The following POM121L12 variants were observed in gnomAD, a reference collection of about 807,000 sequenced individuals.
POM121L12 encodes POM121-like protein 12.
For synonymous variants in POM121L12, 251 were observed against 179.2 expected, an observed-to-expected ratio of 1.40 and a Z score of -3.20; for missense variants, 553 against 409.2, an observed-to-expected ratio of 1.35 and a Z score of -3.03.
Position 53,036,227 on chromosome 7 carries a change from C to T in POM121L12, c.556C>T (p.Pro186Ser). Residue 186 changes from proline to serine, a missense_variant, in exon 1 of 1, where the codon CCC becomes TCC. Physicochemically the swap from Pro to Ser is moderately conservative, Grantham distance 74. Transcript: ENST00000408890. ...TCTGCTGGGGGCGCTCAGCCAGTGCCCCAAGGGAAGCGCTAGGTTCGACGG... is the reference window on the plus strand; with the variant it reads ...TCTGCTGGGGGCGCTCAGCCAGTGCTCCAAGGGAAGCGCTAGGTTCGACGG... ...ETLLGALSQC[P>S]KGSARFDGPL... 1 of 1,613,698 alleles carries T rather than the reference C, an allele frequency of 6.2e-7. No individual in the cohort carries two copies. The highest frequency in any genetic ancestry group is 8.5e-7 in the Non-Finnish European group (1 of 1,179,902).
rs766549462 is a variant in POM121L12, at chr7:53,036,328, C to G, written c.657C>G (p.Pro219=). The G allele has an allele frequency of 4.8e-5, 77 of 1,613,960 alleles. No homozygotes were observed. The highest frequency in any genetic ancestry group is 6.4e-5 in the Non-Finnish European group (76 of 1,180,018). ...NLQPRPSAFK[P]LSKNGAVASF... is the part of the protein sequence containing the mutation. ...AGCCCCGGCCCTCTGCCTTCAAGCC[C>G]CTGAGCAAAAATGGAGCGGTTGCTT... The change falls in exon 1 of 1, where the codon CCC becomes CCG. Residue 219 remains proline (P), a synonymous_variant. Transcript: ENST00000408890.
Position 53,036,454 on chromosome 7 carries a change from A to T in POM121L12, c.783A>T (p.Pro261=). The T allele has an allele frequency of 6.2e-7, 1 of 1,613,730 alleles. No homozygotes were observed. The highest frequency in any genetic ancestry group is 1.1e-5 in the South Asian group (1 of 91,078). ...CTTCCGTGCTGGTCCAGCCCGCCCC[A>T]TCCGCCATCTGGGACTTCTGGGAGG... ...AWPSVLVQPA[P]SAIWDFWEAT... Residue 261 remains proline (P), a synonymous_variant, in exon 1 of 1, where the codon CCA becomes CCT. Transcript: ENST00000408890.
Position 53,036,067 on chromosome 7 carries a change from G to C in POM121L12, c.396G>C (p.Arg132=). The C allele has an allele frequency of 6.2e-7, 1 of 1,612,958 alleles. No homozygotes were observed. Among genetic ancestry groups the C allele is most frequent in the Admixed American group, 1.7e-5 (1 of 60,018 alleles). ...GGLCRAWNPG[R]TWSPVTIGIA... The stretch of plus-strand genomic sequence containing the variant: ...TGTGTCGTGCCTGGAACCCAGGACG[G>C]ACCTGGAGCCCGGTGACCATCGGGA... Residue 132 remains arginine (R), a synonymous_variant, in exon 1 of 1, where the codon CGG becomes CGC. Transcript: ENST00000408890.
chr7:53,035,897 C>A lies in POM121L12; in HGVS notation c.226C>A (p.His76Asn), dbSNP rs2116353808. Residue 76 changes from histidine (H) to asparagine (N), a missense_variant, in exon 1 of 1, where the codon CAC becomes AAC. By Grantham distance (68) the His-to-Asn change is moderately conservative (BLOSUM62 1). Coordinates refer to ENST00000408890, the MANE Select transcript of POM121L12 (RefSeq NM_182595.4). The part of the protein sequence containing the change: ...FQWGRPVPST[H>N]LIEVRPTQDP... ...GTGGGGGCGCCCGGTGCCCAGCACC[C>A]ACCTCATCGAGGTGCGGCCCACCCA... 1.2e-6 allele frequency: 2 copies of A among 1,613,220 alleles called. No homozygotes were observed. The highest frequency in any genetic ancestry group is 1.3e-5 in the African/African-American group (1 of 75,028).
Position 53,036,329 on chromosome 7 carries a change from C to T in POM121L12, c.658C>T (p.Leu220=). The T allele has an allele frequency of 6.2e-7, 1 of 1,614,084 alleles. No homozygotes were observed. Among genetic ancestry groups the T allele is most frequent in the Non-Finnish European group, 8.5e-7 (1 of 1,180,008 alleles). ...GCCCCGGCCCTCTGCCTTCAAGCCC[C>T]TGAGCAAAAATGGAGCGGTTGCTTC... ...LQPRPSAFKP[L]SKNGAVASFV... Residue 220 remains leucine, a synonymous_variant, in exon 1 of 1, where the codon CTG becomes TTG. Coordinates refer to ENST00000408890, the MANE Select transcript of POM121L12 (RefSeq NM_182595.4).
rs141746604 is a variant in POM121L12, at chr7:53,036,073, G to C, written c.402G>C (p.Trp134Cys). The C allele has an allele frequency of 2.5e-6, 4 of 1,612,874 alleles. No individual in the cohort carries two copies. Among genetic ancestry groups the C allele is most frequent in the East Asian group, 2.2e-5 (1 of 44,822 alleles). Residue 134 changes from tryptophan (W) to cysteine (C), a missense_variant, in exon 1 of 1, where the codon TGG becomes TGC. Trp to Cys is a radical substitution (Grantham distance 215). Coordinates refer to ENST00000408890, the MANE Select transcript of POM121L12 (RefSeq NM_182595.4). ...GTGCCTGGAACCCAGGACGGACCTG[G>C]AGCCCGGTGACCATCGGGATCGCGC... is the stretch of plus-strand genomic sequence containing the variant. ...LCRAWNPGRT[W>C]SPVTIGIAPP...
At position 53,036,640 on chromosome 7, in the gene POM121L12, C is replaced by G; in HGVS notation, c.*78C>G. On this transcript the variant is annotated 3_prime_UTR_variant, in exon 1 of 1. Coordinates refer to ENST00000408890, the MANE Select transcript of POM121L12 (RefSeq NM_182595.4). Reference sequence around the variant, plus strand: ...TCACTTGCTCATCCTTGCTCTACCTCAACGTGGGGCCCTGACACCACGTTA... The same window carrying G: ...TCACTTGCTCATCCTTGCTCTACCTGAACGTGGGGCCCTGACACCACGTTA... The G allele has an allele frequency of 1.4e-6, 2 of 1,461,190 alleles. No homozygotes were observed. The highest frequency in any genetic ancestry group is 1.8e-4 in the Middle Eastern group (1 of 5,500). 90.5% of individuals were successfully genotyped at this position (1,461,190 alleles called of 1,614,324 possible). A position where few individuals can be genotyped will look rare whatever the true frequency, so the allele number is the denominator to read the frequency against.
chr7:53,036,089 G>C lies in POM121L12; in HGVS notation c.418G>C (p.Gly140Arg). ...PGRTWSPVTIGIAPPERQESP... is the reference protein window; with the variant it reads ...PGRTWSPVTIRIAPPERQESP... ...ACGGACCTGGAGCCCGGTGACCATC[G>C]GGATCGCGCCCCCTGAGCGTCAGGA... The change falls in exon 1 of 1, where the codon GGG becomes CGG. Residue 140 changes from glycine (G) to arginine (R), a missense_variant. Physicochemically the swap from Gly to Arg is moderately radical, Grantham distance 125. Transcript: ENST00000408890. The C allele has an allele frequency of 6.2e-7, 1 of 1,612,606 alleles. No individual in the cohort carries two copies. Among genetic ancestry groups the C allele is most frequent in the East Asian group, 2.2e-5 (1 of 44,808 alleles).
rs201563022 is a variant in POM121L12, at chr7:53,036,192, C to G, written c.521C>G (p.Thr174Ser). The change falls in exon 1 of 1, where the codon ACC becomes AGC. Residue 174 changes from threonine to serine, a missense_variant. Thr to Ser is a moderately conservative substitution (Grantham distance 58). Coordinates refer to ENST00000408890, the MANE Select transcript of POM121L12 (RefSeq NM_182595.4). Reference sequence around the variant, plus strand: ...GCCCAGGAGCTCCTGGACCCCTGCACCCGGGAGACTCTGCTGGGGGCGCTC... The same window carrying G: ...GCCCAGGAGCTCCTGGACCCCTGCAGCCGGGAGACTCTGCTGGGGGCGCTC... ...PAAQELLDPC[T>S]RETLLGALSQ... is the part of the protein sequence containing the mutation. 1 of 1,611,868 alleles carries G rather than the reference C, an allele frequency of 6.2e-7. No homozygotes were observed. Among genetic ancestry groups the G allele is most frequent in the Non-Finnish European group, 8.5e-7 (1 of 1,179,612 alleles).
Position 53,036,775 on chromosome 7 carries a change from G to T in POM121L12, c.*213G>T, listed in dbSNP as rs745487958. The T allele has an allele frequency of 1.1e-4, 64 of 557,392 alleles. No individual in the cohort carries two copies. The highest frequency in any genetic ancestry group is 2.0e-4 in the Non-Finnish European group (62 of 312,120). 34.5% of individuals were successfully genotyped at this position (557,392 alleles called of 1,614,324 possible). On this transcript the variant is annotated 3_prime_UTR_variant, in exon 1 of 1. Coordinates refer to ENST00000408890, the MANE Select transcript of POM121L12 (RefSeq NM_182595.4). The stretch of plus-strand genomic sequence containing the variant: ...TCAGAACCCTTGCCTTCGCCCTGCT[G>T]GCCCTCTCCTCCCTGCCCTTCTTCC...
chr7:53,035,726 G>A lies in POM121L12; in HGVS notation c.55G>A (p.Gly19Arg). ...AGACCTCGGGAACTTCTGGAAGGCG[G>A]GAGAACCCCTGCTGCAAGGCCCCGA... ...SADLGNFWKA[G>R]EPLLQGPDAL... Residue 19 changes from glycine (G) to arginine (R), a missense_variant, in exon 1 of 1, where the codon GGA becomes AGA. Transcript: ENST00000408890. 2 of 1,612,010 alleles carry A rather than the reference G, an allele frequency of 1.2e-6. No homozygotes were observed. The highest frequency in any genetic ancestry group is 2.2e-5 in the East Asian group (1 of 44,750).
rs558199586 is a variant in POM121L12, at chr7:53,035,817, G to A, written c.146G>A (p.Arg49His). 5.6e-5 allele frequency: 91 copies of A among 1,613,680 alleles called. 1 individual carries two copies. In the East Asian group the frequency reaches 1.3e-3, roughly 24 times the overall value. Residue 49 changes from arginine to histidine, a missense_variant, in exon 1 of 1, where the codon CGC becomes CAC. Coordinates refer to ENST00000408890, the MANE Select transcript of POM121L12 (RefSeq NM_182595.4). ...TPQTTPSPQGRQSPWPLRSLT... is the reference protein window; with the variant it reads ...TPQTTPSPQGHQSPWPLRSLT... ...CAGACCACGCCATCTCCCCAGGGTC[G>A]CCAGAGTCCCTGGCCCCTGAGGTCC...
At position 53,035,802 on chromosome 7, in the gene POM121L12, C is replaced by T; in HGVS notation, c.131C>T (p.Pro44Leu). ...TCACCCAGCACGCCCCAGACCACGC[C>T]ATCTCCCCAGGGTCGCCAGAGTCCC... ...SRSPSTPQTTPSPQGRQSPWP... is the reference protein window; with the variant it reads ...SRSPSTPQTTLSPQGRQSPWP... Residue 44 changes from proline (P) to leucine (L), a missense_variant, in exon 1 of 1, where the codon CCA becomes CTA. Physicochemically the swap from Pro to Leu is moderately conservative, Grantham distance 98. Transcript: ENST00000408890. 1.2e-6 allele frequency: 2 copies of T among 1,613,772 alleles called. No individual in the cohort carries two copies. Among genetic ancestry groups the T allele is most frequent in the Non-Finnish European group, 1.7e-6 (2 of 1,179,900 alleles).
rs749141757 is a variant in POM121L12 at position 53,036,458 on chromosome 7, G to T, written c.787G>T (p.Ala263Ser). 2.5e-6 allele frequency: 4 copies of T among 1,613,698 alleles called. No homozygotes were observed. The South Asian group carries it at 4.4e-5, about 18-fold the overall frequency. ...PSVLVQPAPSAIWDFWEATTP... is the reference protein window; with the variant it reads ...PSVLVQPAPSSIWDFWEATTP... ...CGTGCTGGTCCAGCCCGCCCCATCC[G>T]CCATCTGGGACTTCTGGGAGGCGAC... Residue 263 changes from alanine (A) to serine (S), a missense_variant, in exon 1 of 1, where the codon GCC becomes TCC. Transcript: ENST00000408890.
At position 53,035,670 on chromosome 7, in the gene POM121L12, C is replaced by A; in HGVS notation, c.-2C>A. On this transcript the variant is annotated 5_prime_UTR_variant, in exon 1 of 1. Transcript: ENST00000408890. Reference sequence around the variant, plus strand: ...CGCCCAGAGGCCAACGGTCCCCCAGCCATGGGCGCTGCAGCTCCGGCCGAG... The same window carrying A: ...CGCCCAGAGGCCAACGGTCCCCCAGACATGGGCGCTGCAGCTCCGGCCGAG... 1 of 1,564,206 alleles carries A rather than the reference C, an allele frequency of 6.4e-7. No individual in the cohort carries two copies. The highest frequency in any genetic ancestry group is 8.7e-7 in the Non-Finnish European group (1 of 1,154,566).
Position 53,036,300 on chromosome 7 carries a change from TGCAGCCCCG to T in POM121L12, c.632_640del (p.Gln211_Arg213del), listed in dbSNP as rs1787554532. 1 of 1,613,998 alleles carries T rather than the reference TGCAGCCCCG, an allele frequency of 6.2e-7. No homozygotes were observed. The highest frequency in any genetic ancestry group is 8.5e-7 in the Non-Finnish European group (1 of 1,180,028). On this transcript the variant is annotated inframe_deletion, in exon 1 of 1. Coordinates refer to ENST00000408890, the MANE Select transcript of POM121L12 (RefSeq NM_182595.4). Reference sequence around the variant, plus strand: ...GACAGCAAGGGTGGCAGGCGGAACCTGCAGCCCCGGCCCTCTGCCTTCAAGCCCCTGAGC... The same window carrying T: ...GACAGCAAGGGTGGCAGGCGGAACCTGCCCTCTGCCTTCAAGCCCCTGAGC...
Position 53,035,993 on chromosome 7 carries a change from C to A in POM121L12, c.322C>A (p.Leu108Met). 6.2e-7 allele frequency: 1 copy of A among 1,612,944 alleles called. No individual in the cohort carries two copies. The highest frequency in any genetic ancestry group is 2.2e-5 in the East Asian group (1 of 44,836). Reference sequence around the variant, plus strand: ...CCCTGCCCTTCCCGGGGAGACCGCTCTGGGGCGAGACCTCTCCTGTGCCTG... The same window carrying A: ...CCCTGCCCTTCCCGGGGAGACCGCTATGGGGCGAGACCTCTCCTGTGCCTG... ...RRPALPGETA[L>M]GRDLSCAWEG... Residue 108 changes from leucine (L) to methionine (M), a missense_variant, in exon 1 of 1, where the codon CTG (leucine) becomes ATG (methionine). Transcript: ENST00000408890.
rs1278960186 is a variant in POM121L12 at position 53,036,214 on chromosome 7, G to A, written c.543G>A (p.Ala181=). The part of the protein sequence containing the change: ...DPCTRETLLG[A]LSQCPKGSAR... ...GCACCCGGGAGACTCTGCTGGGGGC[G>A]CTCAGCCAGTGCCCCAAGGGAAGCG... Residue 181 remains alanine, a synonymous_variant, in exon 1 of 1, where the codon GCG becomes GCA. Coordinates refer to ENST00000408890, the MANE Select transcript of POM121L12 (RefSeq NM_182595.4). The A allele has an allele frequency of 1.9e-6, 3 of 1,613,160 alleles. No homozygotes were observed. The highest frequency in any genetic ancestry group is 2.5e-6 in the Non-Finnish European group (3 of 1,179,812).
Position 53,036,626 on chromosome 7 carries a change from T to TCC in POM121L12, c.*65_*66dup. On this transcript the variant is annotated 3_prime_UTR_variant, in exon 1 of 1. Transcript: ENST00000408890. ...CCACGTATCTACTTTCACTTGCTCA[T>TCC]CCTTGCTCTACCTCAACGTGGGGCC... is the stretch of plus-strand genomic sequence containing the variant. The TCC allele has an allele frequency of 6.6e-7, 1 of 1,515,732 alleles. No homozygotes were observed. Among genetic ancestry groups the TCC allele is most frequent in the Non-Finnish European group, 8.9e-7 (1 of 1,125,602 alleles). 93.9% of individuals were successfully genotyped at this position (1,515,732 alleles called of 1,614,324 possible).
Sources: allele counts gnomAD v4.1 joint callset, GRCh38; gene constraint gnomAD v4.1.1; transcripts MANE v1.5; gene names NCBI Gene and HGNC (gene_info 2026-07-23, HGNC 2026-07-21).